Variants in TMEM51 observed in about 807,000 individuals in gnomAD.
TMEM51 encodes transmembrane protein 51, also known as chromosome 1 open reading frame 72.
Under a neutral mutation model 13.6 loss-of-function variants are expected in TMEM51, and 8 were observed. That is an observed-to-expected ratio of 0.59 (90% confidence interval 0.35 to 1.07). TMEM51 has a LOEUF of 1.07. Ranked by LOEUF, TMEM51 falls within the 50% of genes least tolerant of loss-of-function variation. The probability of loss-of-function intolerance (pLI) is 0.02; values close to 1 mark genes in which losing one functional copy is unlikely to be tolerated. For synonymous variants in TMEM51, 147 were observed against 144.4 expected (o/e 1.02, Z -0.13); for missense variants, 279 against 330.7 (o/e 0.84, Z 1.21).
chr1:15,197,132 A>C (rs544415719), intron 1 of TMEM51, among the ~76,000 whole-genome samples: 30 of 152,224 alleles, frequency 2.0e-4, no homozygotes, highest in Non-Finnish European at 1.5e-4. Context: ...TCTCTTTCTC[A>C]GCAATTCCAG....
At chr1:15,171,075 C>G in intron 1 of TMEM51, 2 of 996,004 alleles carry the variant, frequency 2.0e-6, no homozygotes, top group Admixed American at 5.4e-5. Flanking sequence ...CTTGTTAAAA[C>G]ATAGATTGCT....
At chr1:15,214,087 G>A (rs1162837404) in intron 2 of TMEM51, among the ~76,000 whole-genome samples, 5 of 147,862 alleles carry the variant, frequency 3.4e-5, no homozygotes, top group South Asian at 2.1e-4. Context: ...TCTTGACCTC[G>A]TGATCCATCC....
intron 1 of TMEM51, among the ~76,000 whole-genome samples, chr1:15,157,047 T>A (rs959312586): frequency 3.2e-4 from 48 of 152,322 alleles, no homozygotes; most frequent in African/African-American, 1.2e-3. Flanking sequence ...TGGGAGCTCT[T>A]GCTCCTGAGA....
chr1:15,207,642 T>C lies in TMEM51; in HGVS notation c.-266-2848T>C, dbSNP rs1378144390. On this transcript the variant is annotated intron_variant, in intron 1 of 3. Coordinates refer to ENST00000376008, the MANE Select transcript of TMEM51 (RefSeq NM_001136218.2). This position sits in a 1 kb window ranked among gnomAD's most constrained non-coding sequence, Gnocchi z 4.6. ...ACAGCCCCTCCCTGCCGGCTCTGGT[T>C]GGCCAGGGGTGTGCACACGAGTGGA... Among the ~76,000 whole-genome samples the C allele has an allele frequency of 6.6e-6, 1 of 152,198 alleles. No homozygotes were observed. Among genetic ancestry groups the C allele is most frequent in the Non-Finnish European group, 1.5e-5 (1 of 68,040 alleles).
intron 1 of TMEM51, among the ~76,000 whole-genome samples, chr1:15,180,424 A>G (rs1643579610): frequency 6.6e-6 from 1 of 152,150 alleles, no homozygotes; most frequent in South Asian, 2.1e-4. Context: ...GCAGACACAC[A>G]TCAGGTATTG....
At chr1:15,210,162 A>G (rs772251963) in intron 1 of TMEM51, among the ~76,000 whole-genome samples, 6 of 152,042 alleles carry the variant, frequency 3.9e-5, no homozygotes, top group Non-Finnish European at 5.9e-5. Context: ...GTTCTTTTCT[A>G]GTTTTGGTGT....
chr1:15,174,432 G>A (rs147796848), intron 1 of TMEM51, among the ~76,000 whole-genome samples: 387 of 152,204 alleles, frequency 2.5e-3, no homozygotes, highest in African/African-American at 7.7e-3. Context: ...TGTAGAAACC[G>A]GGTCTTGCTG....
At chr1:15,191,852 C>A (rs1450810005) in intron 1 of TMEM51, 2 of 479,226 alleles carry the variant, frequency 4.2e-6, no homozygotes, top group Non-Finnish European at 8.3e-6. Flanking sequence ...TATTAAACAG[C>A]CAGAAAGCTA....
At chr1:15,206,683 T>A (rs1202951670) in intron 1 of TMEM51, among the ~76,000 whole-genome samples, 1 of 152,190 alleles carries the variant, frequency 6.6e-6, no homozygotes, top group Non-Finnish European at 1.5e-5. Context: ...GAGTATCAGC[T>A]GCTGCTGATT....
intron 1 of TMEM51, among the ~76,000 whole-genome samples, chr1:15,193,660 C>A (rs1265603608): frequency 6.8e-6 from 1 of 147,668 alleles, no homozygotes; most frequent in Non-Finnish European, 1.5e-5. Context: ...TCACTGCAAC[C>A]TCCATCTCCT....
chr1:15,211,677 C>G (rs571271676), intron 2 of TMEM51, among the ~76,000 whole-genome samples: 17 of 152,198 alleles, frequency 1.1e-4, no homozygotes, highest in South Asian at 1.0e-3. Flanking sequence ...GGGTCCCAAG[C>G]TCACTCTTAA....
chr1:15,196,997 G>A (rs1241748284), intron 1 of TMEM51, among the ~76,000 whole-genome samples: 4 of 152,192 alleles, frequency 2.6e-5, no homozygotes, highest in African/African-American at 7.2e-5. Context: ...GCGGGATCCA[G>A]GTTTGCAAAC....
intron 1 of TMEM51, among the ~76,000 whole-genome samples, chr1:15,193,410 A>T (rs1643974106): frequency 6.6e-6 from 1 of 152,136 alleles, no homozygotes; most frequent in South Asian, 2.1e-4. Context: ...GTTATCATTC[A>T]CACACCCAGA....
At chr1:15,153,047 C>T (rs1440714795), upstream of TMEM51, among the ~76,000 whole-genome samples, 1 of 152,224 alleles carries the variant, frequency 6.6e-6, no homozygotes, top group African/African-American at 2.4e-5. Context: ...GGCCGGGACT[C>T]GGGCGTGCGA....
At chr1:15,188,007 G>C (rs1052167180) in intron 1 of TMEM51, among the ~76,000 whole-genome samples, 1 of 152,160 alleles carries the variant, frequency 6.6e-6, no homozygotes, top group South Asian at 2.1e-4. Flanking sequence ...CTCAGAAAAG[G>C]GGGGGTAGGT....
At chr1:15,160,846 G>T (rs1353571362) in intron 1 of TMEM51, among the ~76,000 whole-genome samples, 1 of 151,970 alleles carries the variant, frequency 6.6e-6, no homozygotes, top group Non-Finnish European at 1.5e-5. Context: ...GAACGAGGGA[G>T]AGTCAGCCCC....
chr1:15,170,607 C>A (rs1643227903), intron 1 of TMEM51, among the ~76,000 whole-genome samples: 1 of 152,088 alleles, frequency 6.6e-6, no homozygotes, highest in Non-Finnish European at 1.5e-5. Context: ...ACCACCACAC[C>A]TGGCCTATTT....
intron 1 of TMEM51, among the ~76,000 whole-genome samples, chr1:15,164,129 C>T (rs1050162583): frequency 6.6e-6 from 1 of 152,012 alleles, no homozygotes; most frequent in Non-Finnish European, 1.5e-5. Context: ...CATGCCCGGC[C>T]TAATGTTGGC....
intron 1 of TMEM51, among the ~76,000 whole-genome samples, chr1:15,174,322 A>G (rs1643388639): frequency 6.6e-6 from 1 of 152,108 alleles, no homozygotes; most frequent in Non-Finnish European, 1.5e-5. Context: ...GGCTCACTAC[A>G]GCCTCCACCT....
Sources: allele counts gnomAD v4.1 joint callset (sites outside exome capture counted in the v4.1 genomes callset), GRCh38; gene constraint gnomAD v4.1.1; non-coding constraint Gnocchi (gnomAD v3.1); transcripts MANE v1.5; gene names NCBI Gene and HGNC (gene_info 2026-07-23, HGNC 2026-07-21).